Variants in ROPN1L observed in about 807,000 individuals in gnomAD.
ROPN1L encodes the protein ropporin-1-like protein.
Under a neutral mutation model 22.7 loss-of-function variants are expected in ROPN1L, and 23 were observed. The ratio of observed to expected loss-of-function variants is 1.01; its 90% CI spans 0.73 to 1.43. The LOEUF is 1.43. ROPN1L is among the 40% of genes most tolerant of loss of function. The probability of loss-of-function intolerance (pLI) is 0.00; values close to 1 mark genes in which losing one functional copy is unlikely to be tolerated. For synonymous variants in ROPN1L, 116 were observed against 117.8 expected, an observed-to-expected ratio of 0.98 and a Z score of 0.10; for missense variants, 271 against 291.5, an observed-to-expected ratio of 0.93 and a Z score of 0.51.
downstream of ROPN1L, among the ~76,000 whole-genome samples, chr5:10,465,842 TA>T (rs900431358): frequency 6.6e-6 from 1 of 151,226 alleles, no homozygotes; most frequent in South Asian, 2.1e-4. Flanking sequence ...CATCTAAAAA[TA>T]AAAAAAAACA....
chr5:10,462,815 G>T (rs941845672), intron 4 of ROPN1L, among the ~76,000 whole-genome samples: 2 of 152,110 alleles, frequency 1.3e-5, no homozygotes, highest in Non-Finnish European at 2.9e-5. Flanking sequence ...TGAGCCCTGG[G>T]GGGGCAGAGG....
At chr5:10,481,395 C>A in the ROPN1L span, among the ~76,000 whole-genome samples, 4 of 152,160 alleles carry the variant, frequency 2.6e-5, no homozygotes, top group African/African-American at 9.7e-5. Flanking sequence ...CCCTAGTTGT[C>A]CGGTACTTGC....
chr5:10,455,186 C>T (rs2126449561), intron 3 of ROPN1L, among the ~76,000 whole-genome samples: 1 of 152,294 alleles, frequency 6.6e-6, no homozygotes, highest in East Asian at 1.9e-4. Flanking sequence ...ATGGTGGTTC[C>T]CTGTTGGTCC....
At chr5:10,459,310 C>T (rs139806440) in intron 3 of ROPN1L, among the ~76,000 whole-genome samples, 22 of 147,730 alleles carry the variant, frequency 1.5e-4, no homozygotes, top group African/African-American at 5.2e-4. Flanking sequence ...CCCTCCTCAC[C>T]GGGTTCCCGC....
the ROPN1L span, chr5:10,481,805 CT>C: frequency 6.6e-6 from 1 of 152,326 alleles, no homozygotes; most frequent in East Asian, 1.9e-4. Context: ...CACACCTAAC[CT>C]TTGTCCCAGC....
chr5:10,474,363 T>C (rs771258865), downstream of ROPN1L, among the ~76,000 whole-genome samples: 1 of 152,076 alleles, frequency 6.6e-6, no homozygotes, highest in Non-Finnish European at 1.5e-5. Flanking sequence ...ACCCCCTCGA[T>C]TGTGGTCTGT....
At chr5:10,465,051 C>G, downstream of ROPN1L, 2 of 574,842 alleles carry the variant, frequency 3.5e-6, no homozygotes, top group Non-Finnish European at 6.0e-6. Flanking sequence ...GAGTGTTTCT[C>G]TAAATGGGAA....
intron 3 of ROPN1L, among the ~76,000 whole-genome samples, chr5:10,455,727 G>C (rs1222364335): frequency 7.2e-6 from 1 of 138,580 alleles, no homozygotes; most frequent in Non-Finnish European, 1.6e-5. Context: ...AAACTCTAGA[G>C]GATAATAGAA....
chr5:10,457,988 C>G (rs2567576), intron 3 of ROPN1L, among the ~76,000 whole-genome samples: 142,276 of 152,166 alleles, frequency 0.94, 66,950 homozygotes, highest in East Asian at 1. Flanking sequence ...CAGGGCACCA[C>G]CCTGCTCGGG....
chr5:10,468,743 G>A (rs1384448061), downstream of ROPN1L, among the ~76,000 whole-genome samples: 10 of 152,326 alleles, frequency 6.6e-5, no homozygotes, highest in East Asian at 1.9e-4. Flanking sequence ...GGACCCTAAC[G>A]GGATTGATAG....
intron 3 of ROPN1L, among the ~76,000 whole-genome samples, chr5:10,455,741 G>A (rs187162699): frequency 4.0e-5 from 4 of 99,690 alleles, no homozygotes; most frequent in Admixed American, 1.0e-4. Context: ...AATAGAATTC[G>A]ATGAAAAGGC....
downstream of ROPN1L, among the ~76,000 whole-genome samples, chr5:10,467,695 T>C (rs555520826): frequency 9.2e-5 from 14 of 152,348 alleles, no homozygotes; most frequent in African/African-American, 3.4e-4. Flanking sequence ...AGCTCTGTGC[T>C]GAGGAGCAAA....
chr5:10,451,174 TGGTCC>T (rs1411262187), intron 3 of ROPN1L, among the ~76,000 whole-genome samples: 1 of 152,238 alleles, frequency 6.6e-6, no homozygotes, highest in Non-Finnish European at 1.5e-5. Flanking sequence ...TGTGTATAAC[TGGTCC>T]TTGCTTCACA....
At chr5:10,457,768 TGGCTTGCAGCGGC>T (rs1734873917) in intron 3 of ROPN1L, among the ~76,000 whole-genome samples, 7 of 152,300 alleles carry the variant, frequency 4.6e-5, no homozygotes, top group African/African-American at 1.4e-4. Context: ...AGTCCAGGCC[TGGCTTGCAGCGGC>T]CCTTTCCCTG....
downstream of ROPN1L, among the ~76,000 whole-genome samples, chr5:10,467,504 G>A (rs773440720): frequency 1.3e-5 from 2 of 152,132 alleles, no homozygotes; most frequent in East Asian, 1.9e-4. Flanking sequence ...GGGGAGAAGC[G>A]GTCTGGAGGC....
intron 3 of ROPN1L, among the ~76,000 whole-genome samples, chr5:10,457,342 G>A (rs974799079): frequency 1.3e-5 from 2 of 152,220 alleles, no homozygotes; most frequent in African/African-American, 4.8e-5. Flanking sequence ...TTCTGTTCAG[G>A]GCTCCATCTC....
chr5:10,442,003 G>T lies in ROPN1L; in HGVS notation c.-165G>T. On this transcript the variant is annotated 5_prime_UTR_variant, in exon 1 of 5. Transcript: ENST00000274134. ...TTCTCCCGAAGCCCGCGGAGGAGCG[G>T]GTAAGAGCCCCGCGAATCCGGCCCC... 1.1e-6 allele frequency: 1 copy of T among 898,198 alleles called. No homozygotes were observed. The highest frequency in any genetic ancestry group is 1.7e-6 in the Non-Finnish European group (1 of 597,576). The allele number at this position is 898,198 out of a possible 1,614,324, so 55.6% of individuals were successfully genotyped here. A position where few individuals can be genotyped will look rare whatever the true frequency, so the allele number is the denominator to read the frequency against.
chr5:10,459,745 AC>A, intron 3 of ROPN1L, among the ~76,000 whole-genome samples: 1 of 151,264 alleles, frequency 6.6e-6, no homozygotes, highest in East Asian at 2.0e-4. Context: ...GTCATCCTCC[AC>A]CCCGGCACTG....
intron 3 of ROPN1L, among the ~76,000 whole-genome samples, chr5:10,453,400 G>T (rs141657278): frequency 6.6e-6 from 1 of 152,236 alleles, no homozygotes; most frequent in East Asian, 1.9e-4. Context: ...GACCTTGTTG[G>T]CCCTGGGTGG....
Sources: allele counts gnomAD v4.1 joint callset (sites outside exome capture counted in the v4.1 genomes callset), GRCh38; gene constraint gnomAD v4.1.1; transcripts MANE v1.5; gene names NCBI Gene and HGNC (gene_info 2026-07-23, HGNC 2026-07-21).